The following JAG1 variants were observed in gnomAD, a reference collection of about 807,000 sequenced individuals.
The protein encoded by JAG1 is protein jagged-1.
In JAG1, 23 loss-of-function variants were observed where a neutral mutation model predicts 148.7. That is an observed-to-expected ratio of 0.15 (90% CI 0.11 to 0.22). The LOEUF (loss-of-function observed/expected upper bound fraction) is 0.22, where lower values mean the gene tolerates loss of function less well. Among genes scored for constraint, JAG1 ranks in the 10% least tolerant of loss-of-function variants. JAG1 has a pLI of 1.00. For missense variants in JAG1, 1,054 were observed against 1,611.2 expected (o/e 0.65, Z 5.92); for synonymous variants, 572 against 598.3 (o/e 0.96, Z 0.64).
intron 3 of JAG1, among the ~76,000 whole-genome samples, chr20:10,659,215 A>T (rs1354085165): frequency 6.6e-6 from 1 of 152,222 alleles, no homozygotes; most frequent in Non-Finnish European, 1.5e-5. Flanking sequence ...CAAACCTTCT[A>T]ATCTATGCCT....
At chr20:10,641,417 C>T (rs368444856) in intron 23 of JAG1, 43 bp downstream of exon 23, 10 of 1,550,640 alleles carry the variant, frequency 6.4e-6, no homozygotes, top group Non-Finnish European at 8.9e-6. Context: ...AGCAAGCAAG[C>T]AGACATCCAC....
At chr20:10,646,122 C>T (rs1341522821) in intron 14 of JAG1, 38 bp from the exon 15 acceptor site, 1 of 1,449,522 alleles carries the variant, frequency 6.9e-7, no homozygotes, top group Non-Finnish European at 9.7e-7. Flanking sequence ...AACTGAAGGA[C>T]TTGTGAAGCC....
Position 10,645,427 on chromosome 20 carries a change from G to C in JAG1, c.2042C>G (p.Thr681Arg). 2 of 1,613,888 alleles carry C rather than the reference G, an allele frequency of 1.2e-6. No individual in the cohort carries two copies. Among genetic ancestry groups the C allele is most frequent in the Non-Finnish European group, 1.7e-6 (2 of 1,180,002 alleles). Residue 681 changes from threonine (T) to arginine (R), a missense_variant, in exon 16 of 26, where the codon ACG becomes AGG. Coordinates refer to ENST00000254958, the MANE Select transcript of JAG1 (RefSeq NM_000214.3). The surrounding 1 kb of genome is among the most constrained non-coding windows in gnomAD (Gnocchi z 6.1). Reference sequence around the variant, plus strand: ...GAAGTCATTGACCAGGTCGCGACACGTGCCCCCATTGTGGCAGGGGTTCTG... The same window carrying C: ...GAAGTCATTGACCAGGTCGCGACACCTGCCCCCATTGTGGCAGGGGTTCTG... ...CSQNPCHNGG[T>R]CRDLVNDFYC...
chr20:10,647,824 A>G, intron 13 of JAG1, 136 bp downstream of exon 13: 2 of 972,150 alleles, frequency 2.1e-6, no homozygotes, highest in Non-Finnish European at 3.2e-6. Context: ...GGCCCGCTAC[A>G]CAGGCAGGAT....
chr20:10,659,428 C>G (rs2067399883), intron 3 of JAG1, among the ~76,000 whole-genome samples: 1 of 152,134 alleles, frequency 6.6e-6, no homozygotes, highest in African/African-American at 2.4e-5. Flanking sequence ...GAATGTTGCT[C>G]TTGAAGAAAT....
In JAG1 at chr20:10,645,299, C is replaced by T. The variant is rs1479739274; in HGVS notation, c.2114-43G>A. Reference sequence around the variant, plus strand: ...AGTGTGAGTCCCAGTGGCCCCCTCCCACAGAAGACAGAGGGAAGGGTCCCA... The same window carrying T: ...AGTGTGAGTCCCAGTGGCCCCCTCCTACAGAAGACAGAGGGAAGGGTCCCA... On this transcript the variant is annotated intron_variant, in intron 16 of 25. Coordinates refer to ENST00000254958, the MANE Select transcript of JAG1 (RefSeq NM_000214.3). This position sits in a 1 kb window ranked among gnomAD's most constrained non-coding sequence, Gnocchi z 6.1. The T allele has an allele frequency of 6.2e-7, 1 of 1,607,692 alleles. No homozygotes were observed. The highest frequency in any genetic ancestry group is 1.7e-5 in the Admixed American group (1 of 60,020).
intron 13 of JAG1, 189 bp from the exon 14 acceptor site, chr20:10,647,292 G>T (rs370133125): frequency 2.6e-5 from 17 of 658,752 alleles, no homozygotes; most frequent in African/African-American, 2.2e-4. Context: ...GAGACTCCAG[G>T]CAAAGAGTTT....
chr20:10,658,690 A>G lies in JAG1; in HGVS notation c.472T>C (p.Ser158Pro). The G allele has an allele frequency of 6.2e-7, 1 of 1,614,232 alleles. No homozygotes were observed. The highest frequency in any genetic ancestry group is 8.5e-7 in the Non-Finnish European group (1 of 1,180,018). ...PDSIIEKASHSGMINPSRQWQ... is the reference protein window; with the variant it reads ...PDSIIEKASHPGMINPSRQWQ... Reference sequence around the variant, plus strand: ...TGCCGGCTGGGGTTGATCATGCCCGAGTGAGAAGCCTTTTCAATAATACTG... The same window carrying G: ...TGCCGGCTGGGGTTGATCATGCCCGGGTGAGAAGCCTTTTCAATAATACTG... Residue 158 changes from serine to proline, a missense_variant, in exon 4 of 26, where the codon TCG becomes CCG. Around this residue, in one of 6 missense-constraint regions of JAG1, gnomAD observed 104 missense variants for 235.2 expected, o/e 0.44. Transcript: ENST00000254958.
intron 3 of JAG1, 41 bp downstream of exon 3, chr20:10,663,922 C>T: frequency 6.4e-7 from 1 of 1,556,378 alleles, no homozygotes; most frequent in Non-Finnish European, 8.9e-7. Context: ...CCCCACACTT[C>T]CACGTGTGTT....
chr20:10,670,890 C>G (rs1361268233), intron 2 of JAG1, among the ~76,000 whole-genome samples: 1 of 152,198 alleles, frequency 6.6e-6, no homozygotes, highest in East Asian at 1.9e-4. Context: ...TATTTCCGCT[C>G]GTTTTCCATT....
intron 2 of JAG1, among the ~76,000 whole-genome samples, chr20:10,667,031 A>G (rs1883801): frequency 0.15 from 22,166 of 152,268 alleles, 2,037 homozygotes; most frequent in Middle Eastern, 0.27. Context: ...TAATTGCCAC[A>G]TTAAGAAGGG....
Position 10,649,727 on chromosome 20 carries a change from A to G in JAG1, c.1235-92T>C, listed in dbSNP as rs902123893. The G allele has an allele frequency of 8.0e-6, 6 of 750,526 alleles. No homozygotes were observed. The African/African-American group carries it at 1.0e-4, about 13-fold the overall frequency. 46.5% of individuals were successfully genotyped at this position (750,526 alleles called of 1,614,324 possible). A position where few individuals can be genotyped will look rare whatever the true frequency, so the allele number is the denominator to read the frequency against. On this transcript the variant is annotated intron_variant, in intron 9 of 25. Transcript: ENST00000254958. Reference sequence around the variant, plus strand: ...AAAAGAACAGGCCAGAGTTTGTCTGAGACATGAGACATTTTAATAAGCTAG... The same window carrying G: ...AAAAGAACAGGCCAGAGTTTGTCTGGGACATGAGACATTTTAATAAGCTAG...
chr20:10,651,470 G>A (rs886182652), intron 8 of JAG1, 111 bp downstream of exon 8: 3 of 704,050 alleles, frequency 4.3e-6, no homozygotes, highest in Admixed American at 2.2e-5. Flanking sequence ...GCCTGCACCC[G>A]CCCCTCTCTC....
intron 2 of JAG1, among the ~76,000 whole-genome samples, chr20:10,664,357 C>A (rs542076921): frequency 2.3e-4 from 34 of 145,316 alleles, no homozygotes; most frequent in Non-Finnish European, 3.6e-4. Context: ...CAGACCCTGA[C>A]CCTAGTGCAT....
chr20:10,646,141 G>A, intron 14 of JAG1, 57 bp from the exon 15 acceptor site: 2 of 1,264,398 alleles, frequency 1.6e-6, no homozygotes, highest in South Asian at 2.4e-5. Context: ...CCATAGACAA[G>A]CACTGTTCAG....
At chr20:10,670,221 C>G (rs1426104372) in intron 2 of JAG1, among the ~76,000 whole-genome samples, 1 of 152,124 alleles carries the variant, frequency 6.6e-6, no homozygotes, top group African/African-American at 2.4e-5. Flanking sequence ...GTCATAATTC[C>G]AAACAAAAAG....
At chr20:10,658,833 T>C in intron 3 of JAG1, 111 bp from the exon 4 acceptor site, 1 of 1,227,690 alleles carries the variant, frequency 8.1e-7, no homozygotes, top group Non-Finnish European at 1.2e-6. Flanking sequence ...TTCTATCTGT[T>C]GTAAAAAAGG....
intron 3 of JAG1, among the ~76,000 whole-genome samples, chr20:10,661,481 A>G (rs7265068): frequency 0.43 from 65,026 of 151,936 alleles, 14,136 homozygotes; most frequent in East Asian, 0.68. Flanking sequence ...TGAGGCCAGA[A>G]AGCATGTGAT....
chr20:10,649,918 C>CTAGT (rs1417686957), intron 9 of JAG1, among the ~76,000 whole-genome samples: 1 of 152,184 alleles, frequency 6.6e-6, no homozygotes, highest in Non-Finnish European at 1.5e-5. Context: ...CCCAGGCAGC[C>CTAGT]TAGTTGCTGG....
Sources: gnomAD v4.1 joint callset for allele counts (sites outside exome capture counted in the v4.1 genomes callset) on GRCh38, gnomAD v4.1.1 for gene constraint, gnomAD v4.1.1 regional missense constraint, Gnocchi (gnomAD v3.1) non-coding constraint, MANE v1.5 for transcripts, NCBI Gene and HGNC (gene_info 2026-07-23, HGNC 2026-07-21) for gene names.